Variants in PRKN observed in about 807,000 individuals in gnomAD.
PRKN encodes E3 ubiquitin-protein ligase parkin.
PRKN carries 56 observed loss-of-function variants against 59.5 expected under a neutral mutation model. The observed-to-expected ratio is 0.94, with a 90% CI of 0.76 to 1.18. The LOEUF (loss-of-function observed/expected upper bound fraction) is 1.18. PRKN is among the 50% of genes most tolerant of loss of function. The pLI, the probability that PRKN is intolerant of heterozygous loss-of-function variation, is 0.00. For synonymous variants in PRKN, 250 were observed against 222.1 expected (o/e 1.13, Z -1.12); for missense variants, 657 against 596.4 (o/e 1.10, Z -1.06).
intron 1 of PRKN, among the ~76,000 whole-genome samples, chr6:162,502,228 A>C (rs1191898368): frequency 6.6e-6 from 1 of 152,134 alleles, no homozygotes; most frequent in Non-Finnish European, 1.5e-5. Flanking sequence ...TGGTGCGATC[A>C]TGTCTCACTG....
intron 1 of PRKN, among the ~76,000 whole-genome samples, chr6:162,502,537 G>A (rs1289103142): frequency 2.6e-5 from 4 of 152,094 alleles, no homozygotes; most frequent in Non-Finnish European, 4.4e-5. Flanking sequence ...ATAGTCATGC[G>A]ATATGTCTAA....
intron 2 of PRKN, among the ~76,000 whole-genome samples, chr6:162,295,952 G>A (rs142977269): frequency 3.9e-5 from 6 of 152,122 alleles, no homozygotes; most frequent in East Asian, 1.9e-4. Context: ...AGAAATTTTC[G>A]GATGTTCCCA....
At chr6:162,095,272 A>G (rs1779678056) in intron 4 of PRKN, among the ~76,000 whole-genome samples, 2 of 152,174 alleles carry the variant, frequency 1.3e-5, no homozygotes, top group East Asian at 1.9e-4. Flanking sequence ...AGTCCTCACG[A>G]GGCCTACACC....
chr6:162,623,470 G>A (rs997846941), intron 1 of PRKN, among the ~76,000 whole-genome samples: 4 of 152,092 alleles, frequency 2.6e-5, no homozygotes, highest in African/African-American at 9.7e-5. Context: ...CCAAACTTAT[G>A]AAAGCAACAT....
intron 1 of PRKN, among the ~76,000 whole-genome samples, chr6:162,700,194 G>C (rs905820349): frequency 1.3e-5 from 2 of 152,092 alleles, no homozygotes; most frequent in Admixed American, 6.6e-5. Flanking sequence ...CCCATGCTTA[G>C]GCATGTTAAA....
chr6:162,641,773 T>C (rs941162456), intron 1 of PRKN, among the ~76,000 whole-genome samples: 1 of 152,188 alleles, frequency 6.6e-6, no homozygotes, highest in Non-Finnish European at 1.5e-5. Flanking sequence ...CTAGTTTTGT[T>C]TTAATGTGAA....
intron 1 of PRKN, among the ~76,000 whole-genome samples, chr6:162,511,419 T>C (rs1206920871): frequency 6.7e-6 from 1 of 150,320 alleles, no homozygotes; most frequent in African/African-American, 2.5e-5. Context: ...AACACAGACA[T>C]GTACACAGAA....
Position 161,733,791 on chromosome 6 carries a change from T to TATATATATATATATATATAC in PRKN, c.871+51980_871+51981insGTATATATATATATATATAT, listed in dbSNP as rs1554298479. 3.5e-3 allele frequency among the ~76,000 whole-genome samples: 232 copies of TATATATATATATATATATAC among 66,820 alleles called. 2 individuals are homozygous for TATATATATATATATATATAC. Among genetic ancestry groups the TATATATATATATATATATAC allele is most frequent in the African/African-American group, 0.014 (220 of 16,022 alleles). 43.8% of individuals were successfully genotyped at this position (66,820 alleles called of 152,430 possible). A position where few individuals can be genotyped will look rare whatever the true frequency, so the allele number is the denominator to read the frequency against. ...GGGTGAAAAAAAAAAAAAATATATA[T>TATATATATATATATATATAC]ATATATGTATATATATATATATATA... On this transcript the variant is annotated intron_variant, in intron 7 of 11. Transcript: ENST00000366898.
At chr6:161,739,248 A>G (rs1788091106) in intron 7 of PRKN, among the ~76,000 whole-genome samples, 1 of 152,070 alleles carries the variant, frequency 6.6e-6, no homozygotes, top group Non-Finnish European at 1.5e-5. Context: ...TCTCTACCAA[A>G]AACATAAAAA....
chr6:162,419,622 A>C (rs1358167223), intron 2 of PRKN, among the ~76,000 whole-genome samples: 1 of 152,178 alleles, frequency 6.6e-6, no homozygotes, highest in Admixed American at 6.6e-5. Context: ...AACGCTCCCA[A>C]GTGAAATATA....
chr6:162,451,496 G>A (rs1420702637), intron 1 of PRKN, among the ~76,000 whole-genome samples: 2 of 151,884 alleles, frequency 1.3e-5, no homozygotes, highest in South Asian at 2.1e-4. Context: ...AGGCCCACAC[G>A]GGCAGATCAC....
At position 161,390,331 on chromosome 6, in the gene PRKN, A is replaced by G. The variant is rs1239869732; in HGVS notation, c.1084-3454T>C. 1.3e-5 allele frequency among the ~76,000 whole-genome samples: 2 copies of G among 152,182 alleles called. No homozygotes were observed. Among genetic ancestry groups the G allele is most frequent in the Non-Finnish European group, 2.9e-5 (2 of 68,026 alleles). ...AAACACAGCATGGCTATTGAACACT[A>G]TGTGATTTATTAACTCAAGGTAGTT... On this transcript the variant is annotated intron_variant, in intron 9 of 11. Coordinates refer to ENST00000366898, the MANE Select transcript of PRKN (RefSeq NM_004562.3). This position sits in a 1 kb window ranked among gnomAD's most constrained non-coding sequence, Gnocchi z 7.0.
At chr6:161,524,872 G>C (rs908526642) in intron 9 of PRKN, among the ~76,000 whole-genome samples, 1 of 152,274 alleles carries the variant, frequency 6.6e-6, no homozygotes, top group East Asian at 1.9e-4. Context: ...CCAATGAGTA[G>C]GTGTACGCAG....
intron 7 of PRKN, among the ~76,000 whole-genome samples, chr6:161,629,003 A>G (rs950553364): frequency 6.6e-6 from 1 of 152,308 alleles, no homozygotes; most frequent in Non-Finnish European, 1.5e-5. Context: ...CATAATGGGC[A>G]GGCAAAGGAG....
chr6:162,614,130 T>A (rs139207716), intron 1 of PRKN, among the ~76,000 whole-genome samples: 1 of 152,308 alleles, frequency 6.6e-6, no homozygotes, highest in Admixed American at 6.5e-5. Context: ...ATATTACTTT[T>A]GTCTTCTCCT....
chr6:162,619,206 G>A (rs1782555977), intron 1 of PRKN, among the ~76,000 whole-genome samples: 1 of 149,190 alleles, frequency 6.7e-6, no homozygotes. Flanking sequence ...GCAGTGGTGA[G>A]ATCTCTGCTC....
intron 1 of PRKN, among the ~76,000 whole-genome samples, chr6:162,538,947 T>C (rs191520310): frequency 6.6e-6 from 1 of 152,198 alleles, no homozygotes. Context: ...TCAGTCAAAT[T>C]AGAGAGGCAG....
intron 2 of PRKN, among the ~76,000 whole-genome samples, chr6:162,352,458 C>T (rs562755742): frequency 2.6e-5 from 4 of 152,174 alleles, no homozygotes; most frequent in East Asian, 3.9e-4. Flanking sequence ...TAATCCAAAG[C>T]GCTGTTTTAG....
intron 9 of PRKN, among the ~76,000 whole-genome samples, chr6:161,504,450 T>G (rs552989869): frequency 2.0e-5 from 3 of 152,054 alleles, no homozygotes; most frequent in Non-Finnish European, 4.4e-5. Context: ...TCCCCAGACC[T>G]GTACTGACTG....
Sources: allele counts gnomAD v4.1 joint callset (sites outside exome capture counted in the v4.1 genomes callset), GRCh38; gene constraint gnomAD v4.1.1; non-coding constraint Gnocchi (gnomAD v3.1); transcripts MANE v1.5; gene names NCBI Gene and HGNC (gene_info 2026-07-23, HGNC 2026-07-21).